PHF8: variants seen among roughly 807,000 people sequenced by gnomAD.
PHF8 encodes the protein histone lysine demethylase PHF8.
A neutral mutation model predicts 74.4 loss-of-function variants in PHF8; 9 were observed. The observed-to-expected ratio is 0.12, with a 90% CI of 0.07 to 0.21. The LOEUF (loss-of-function observed/expected upper bound fraction) is 0.21. Among genes scored for constraint, PHF8 ranks in the 10% least tolerant of loss-of-function variants. The pLI, the probability that PHF8 is intolerant of heterozygous loss-of-function variation, is 1.00. For missense variants in PHF8, 478 were observed against 816.6 expected, an observed-to-expected ratio of 0.59 and a Z score of 5.05; for synonymous variants, 311 against 316.6, an observed-to-expected ratio of 0.98 and a Z score of 0.19.
chrX:53,984,866 CT>C, intron 18 of PHF8, 47 bp downstream of exon 18: 1 of 1,016,501 alleles, frequency 9.8e-7, no homozygotes, highest in Middle Eastern at 2.5e-4. Flanking sequence ...GAGACTGGGA[CT>C]GAGGAGACCC....
chrX:53,987,917 TTTGGATAAA>T lies in PHF8; in HGVS notation c.1749_1757del (p.Ser583_Lys586delinsArg). ...TCTTTGCTATCTTGGTTCGCCGAGATTTGGATAAACTCTTCACCCTTTTCGTACTGAAGG... is the reference window on the plus strand; with the variant it reads ...TCTTTGCTATCTTGGTTCGCCGAGATCTCTTCACCCTTTTCGTACTGAAGG... On this transcript the variant is annotated inframe_deletion, in exon 15 of 22. Transcript: ENST00000338154. 8.3e-7 allele frequency: 1 copy of T among 1,208,818 alleles called. No homozygotes were observed. Among genetic ancestry groups the T allele is most frequent in the African/African-American group, 1.7e-5 (1 of 57,680 alleles).
At chrX:54,046,799 A>G (rs1242085078), upstream of PHF8, among the ~76,000 whole-genome samples, 1 of 111,320 alleles carries the variant, frequency 9.0e-6, no homozygotes, top group Non-Finnish European at 1.9e-5. Flanking sequence ...CAGGAGTTCA[A>G]GACCAGGCTG....
intron 4 of PHF8, among the ~76,000 whole-genome samples, chrX:54,020,079 G>A (rs1199639455): frequency 2.7e-5 from 3 of 109,601 alleles, no homozygotes; most frequent in Admixed American, 2.0e-4. Flanking sequence ...CCAGCTACTC[G>A]GGGTGCCGAG....
intron 18 of PHF8, among the ~76,000 whole-genome samples, chrX:53,963,912 T>C (rs184978454): frequency 7.5e-4 from 84 of 111,789 alleles, no homozygotes; most frequent in African/African-American, 2.7e-3. Flanking sequence ...TATAAATCAT[T>C]CTACTAGAAA....
At chrX:54,037,156 A>G (rs2146509558) in intron 2 of PHF8, among the ~76,000 whole-genome samples, 1 of 112,203 alleles carries the variant, frequency 8.9e-6, no homozygotes, top group Non-Finnish European at 1.9e-5. Context: ...GAAAAAGTCA[A>G]TGAAACAAAA....
intron 2 of PHF8, among the ~76,000 whole-genome samples, chrX:54,033,826 G>C (rs1337427105): frequency 2.7e-5 from 3 of 111,273 alleles, no homozygotes; most frequent in Non-Finnish European, 3.8e-5. Flanking sequence ...GGGAGGCTGA[G>C]GCAGGAGAAT....
chrX:54,015,789 C>G (rs1236618284), intron 6 of PHF8, among the ~76,000 whole-genome samples: 1 of 110,836 alleles, frequency 9.0e-6, no homozygotes, highest in Non-Finnish European at 1.9e-5. Flanking sequence ...ATTATGATTT[C>G]TTGGTATTTC....
chrX:54,030,031 T>C (rs2066328831), intron 2 of PHF8, among the ~76,000 whole-genome samples: 1 of 110,378 alleles, frequency 9.1e-6, no homozygotes, highest in African/African-American at 3.3e-5. Flanking sequence ...CACAGGTATC[T>C]CCTTCTACCT....
intron 2 of PHF8, among the ~76,000 whole-genome samples, chrX:54,038,353 C>T (rs17002479): frequency 0.13 from 14,077 of 111,763 alleles, 894 homozygotes; most frequent in African/African-American, 0.24. Flanking sequence ...GACTGGTGTA[C>T]AGTAATGATA....
chrX:54,037,697 C>T (rs1175819461), intron 2 of PHF8, among the ~76,000 whole-genome samples: 2 of 112,383 alleles, frequency 1.8e-5, no homozygotes, highest in Non-Finnish European at 3.8e-5. Flanking sequence ...GGAAAGTACA[C>T]ATCCAACATA....
At position 54,022,446 on chromosome X, in the gene PHF8, C is replaced by T. The variant is rs963030343; in HGVS notation, c.185-79G>A. 58 of 647,943 alleles carry T rather than the reference C, an allele frequency of 9.0e-5. 1 individual carries two copies. The East Asian group carries it at 1.8e-3, about 20-fold the overall frequency. 53.4% of individuals were successfully genotyped at this position (647,943 alleles called of 1,213,427 possible). ...ACCAAGAACAAAGGCCTCAGCAGAT[C>T]CTTCTCTTCCAATCTAACCACCCCT... On this transcript the variant is annotated intron_variant, in intron 3 of 21. Coordinates refer to ENST00000338154, the MANE Select transcript of PHF8 (RefSeq NM_015107.3).
chrX:54,016,480 C>CGAGACTCCGTCTCAAAAAAAAAA, intron 6 of PHF8, 115 bp downstream of exon 6: 1 of 643,865 alleles, frequency 1.6e-6, no homozygotes, highest in South Asian at 2.3e-5. Context: ...GGCGACAGAG[C>CGAGACTCCGTCTCAAAAAAAAAA]AAGACTCTGT....
intron 6 of PHF8, among the ~76,000 whole-genome samples, chrX:54,014,996 C>T (rs2066039209): frequency 1.8e-5 from 2 of 111,867 alleles, no homozygotes; most frequent in Non-Finnish European, 3.8e-5. Context: ...TTTTATCCTA[C>T]GTAAAGCCAC....
intron 4 of PHF8, among the ~76,000 whole-genome samples, chrX:54,021,500 G>A (rs6612405): frequency 1.3e-5 from 1 of 74,202 alleles, no homozygotes; most frequent in African/African-American, 5.8e-5. Context: ...ACGGAGTCTC[G>A]CTCTGTCGCC....
At chrX:53,941,517 A>AT (rs782476841) in intron 20 of PHF8, among the ~76,000 whole-genome samples, 6 of 111,650 alleles carry the variant, frequency 5.4e-5, no homozygotes, top group Non-Finnish European at 9.4e-5. Context: ...GGACACTTGT[A>AT]TAGTGGGCAT....
chrX:53,991,038 C>G (rs1836657629), intron 14 of PHF8, among the ~76,000 whole-genome samples: 1 of 111,394 alleles, frequency 9.0e-6, no homozygotes, highest in African/African-American at 3.3e-5. Context: ...CTCCAACAAC[C>G]CTAAGGTAAG....
At chrX:54,007,261 T>A (rs1458975088) in intron 8 of PHF8, among the ~76,000 whole-genome samples, 1 of 110,986 alleles carries the variant, frequency 9.0e-6, no homozygotes, top group Non-Finnish European at 1.9e-5. Context: ...TCAATATAAA[T>A]CAAAATGGAT....
At position 53,972,321 on chromosome X, in the gene PHF8, C is replaced by CAAAA. The variant is rs1236817498; in HGVS notation, c.2444-9386_2444-9383dup. Among the ~76,000 whole-genome samples the CAAAA allele has an allele frequency of 2.0e-4, 7 of 34,149 alleles. 1 individual carries two copies. Among genetic ancestry groups the CAAAA allele is most frequent in the Admixed American group, 4.1e-4 (1 of 2,423 alleles). The allele number at this position is 34,149 out of a possible 115,157, so 29.7% of individuals were successfully genotyped here. A position where few individuals can be genotyped will look rare whatever the true frequency, so the allele number is the denominator to read the frequency against. On this transcript the variant is annotated intron_variant, in intron 18 of 21. Transcript: ENST00000338154. ...CTGGTGACAGGGCAAGACGCTGTCT[C>CAAAA]AAAAAAAAAAAAAAAAAAAAAAAGA...
In PHF8 at chrX:53,951,474, G is replaced by A. The variant is rs782611188; in HGVS notation, c.2540-7231C>T. On this transcript the variant is annotated intron_variant, in intron 19 of 21. Coordinates refer to ENST00000338154, the MANE Select transcript of PHF8 (RefSeq NM_015107.3). ...AACAGAAATTTTTTTTTTTTTAGAC[G>A]GAGTCTTGCTCCATTACCCAGGCTG... Among the ~76,000 whole-genome samples, 7 of 109,792 alleles carry A rather than the reference G, an allele frequency of 6.4e-5. No individual in the cohort carries two copies. In the South Asian group the frequency reaches 2.7e-3, roughly 43 times the overall value.
Sources: gnomAD v4.1 joint callset for allele counts (sites outside exome capture counted in the v4.1 genomes callset) on GRCh38, gnomAD v4.1.1 for gene constraint, MANE v1.5 for transcripts, NCBI Gene and HGNC (gene_info 2026-07-23, HGNC 2026-07-21) for gene names.